ITPR3: variants seen among roughly 807,000 people sequenced by gnomAD.
ITPR3 encodes inositol 1,4,5-trisphosphate receptor type 3.
ITPR3 carries 173 observed loss-of-function variants against 293.2 expected under a neutral mutation model. The observed-to-expected ratio is 0.59, with a 90% CI of 0.52 to 0.67. The LOEUF (loss-of-function observed/expected upper bound fraction) is 0.67, where lower values mean the gene tolerates loss of function less well. Among genes scored for constraint, ITPR3 ranks in the 30% least tolerant of loss-of-function variants. The probability of loss-of-function intolerance (pLI) is 0.00; values close to 1 mark genes in which losing one functional copy is unlikely to be tolerated. For synonymous variants in ITPR3, 1,295 were observed against 1,444.4 expected (o/e 0.90, Z 2.35); for missense variants, 2,796 against 3,592.1 (o/e 0.78, Z 5.66).
rs145012253 is a variant in ITPR3, at chr6:33,679,752, G to C, written c.3973-130G>C. Reference sequence around the variant, plus strand: ...TGGGGAACCCCCAAATCCCAGCCAGGGGAGGGTTTTCCTGATTTCAGGTAA... The same window carrying C: ...TGGGGAACCCCCAAATCCCAGCCAGCGGAGGGTTTTCCTGATTTCAGGTAA... On this transcript the variant is annotated intron_variant, in intron 30 of 57. Transcript: ENST00000605930. This position sits in a 1 kb window ranked among gnomAD's most constrained non-coding sequence, Gnocchi z 4.2. 1 of 1,214,574 alleles carries C rather than the reference G, an allele frequency of 8.2e-7. No homozygotes were observed. The highest frequency in any genetic ancestry group is 1.5e-5 in the African/African-American group (1 of 66,134). 75.2% of individuals were successfully genotyped at this position (1,214,574 alleles called of 1,614,324 possible).
At position 33,684,468 on chromosome 6, in the gene ITPR3, G is replaced by A; in HGVS notation, c.5046+3G>A. On this transcript the variant is annotated splice_donor_region_variant and intron_variant, in intron 37 of 57. Coordinates refer to ENST00000605930, the MANE Select transcript of ITPR3 (RefSeq NM_002224.4). This position sits in a 1 kb window ranked among gnomAD's most constrained non-coding sequence, Gnocchi z 4.2. ...AGAAGACCAAGTACGGGGACCGGGTGAGTGCCCTGGTGGGGCAAGTGCTGG... is the reference window on the plus strand; with the variant it reads ...AGAAGACCAAGTACGGGGACCGGGTAAGTGCCCTGGTGGGGCAAGTGCTGG... The A allele has an allele frequency of 6.2e-7, 1 of 1,613,536 alleles. No individual in the cohort carries two copies. The highest frequency in any genetic ancestry group is 8.5e-7 in the Non-Finnish European group (1 of 1,179,488).
chr6:33,649,294 C>T (rs777715995), intron 2 of ITPR3, among the ~76,000 whole-genome samples: 70 of 152,174 alleles, frequency 4.6e-4, no homozygotes, highest in East Asian at 9.6e-4. Context: ...GGTGCGATCT[C>T]GGCTCACTGC....
chr6:33,636,772 T>C (rs1763833172), intron 1 of ITPR3, among the ~76,000 whole-genome samples: 1 of 151,824 alleles, frequency 6.6e-6, no homozygotes, highest in Non-Finnish European at 1.5e-5. Context: ...ATGTGGGAGT[T>C]CTCAGTGAAG....
intron 2 of ITPR3, among the ~76,000 whole-genome samples, chr6:33,652,940 C>G (rs1042570438): frequency 2.6e-5 from 4 of 152,074 alleles, no homozygotes; most frequent in Non-Finnish European, 4.4e-5. Flanking sequence ...CAGGGTCTTG[C>G]TCTGTCGCTC....
chr6:33,667,977 C>T lies in ITPR3; in HGVS notation c.1886+13C>T. 3 of 1,613,500 alleles carry T rather than the reference C, an allele frequency of 1.9e-6. No individual in the cohort carries two copies. The highest frequency in any genetic ancestry group is 2.5e-6 in the Non-Finnish European group (3 of 1,179,686). The stretch of plus-strand genomic sequence containing the variant: ...ACCGGGAGCCCAGGTGGGCCCGAAC[C>T]CCCTCCCCGGCCGGCGCCTGCTCCT... On this transcript the variant is annotated intron_variant, in intron 16 of 57. Transcript: ENST00000605930. This position sits in a 1 kb window ranked among gnomAD's most constrained non-coding sequence, Gnocchi z 4.4.
At chr6:33,668,739 C>A (rs540908596) in intron 17 of ITPR3, 105 bp downstream of exon 17, 1 of 1,531,776 alleles carries the variant, frequency 6.5e-7, no homozygotes, top group Non-Finnish European at 8.9e-7. Context: ...GGCACCCTTG[C>A]TCTCTGCAGC....
In ITPR3 at chr6:33,680,040, G is replaced by A. The variant is rs1238447181; in HGVS notation, c.4131G>A (p.Glu1377=). 19 of 1,613,866 alleles carry A rather than the reference G, an allele frequency of 1.2e-5. No homozygotes were observed. The highest frequency in any genetic ancestry group is 1.6e-5 in the Non-Finnish European group (19 of 1,180,038). Residue 1377 remains glutamate (E), a synonymous_variant, in exon 31 of 58, where the codon GAG becomes GAA. Transcript: ENST00000605930. The stretch of plus-strand genomic sequence containing the variant: ...TGGACCTGCTGGCCGCCTGTGCCGA[G>A]GGCAAAAACGTCTACACTGAGATCA... ...SLVDLLAACA[E]GKNVYTEIKC...
At chr6:33,637,936 A>T (rs1234408611) in intron 1 of ITPR3, among the ~76,000 whole-genome samples, 1 of 151,676 alleles carries the variant, frequency 6.6e-6, no homozygotes, top group East Asian at 1.9e-4. Context: ...GGCGTGAGCC[A>T]CTGGCGCCTG....
rs779093637 is a variant in ITPR3, at chr6:33,640,532, C to T, written c.138C>T (p.Asp46=). The change falls in exon 2 of 58, where the codon GAC becomes GAT. Residue 46 remains aspartate (D), a synonymous_variant. Coordinates refer to ENST00000605930, the MANE Select transcript of ITPR3 (RefSeq NM_002224.4). The part of the protein sequence containing the change: ...CVVEPAAGDL[D]NPPKKFRDCL... ...TGGAGCCCGCGGCCGGGGACCTGGA[C>T]AACCCCCCTAAGAAGTTCCGTGGTA... The T allele has an allele frequency of 1.2e-6, 2 of 1,613,568 alleles. No homozygotes were observed. The highest frequency in any genetic ancestry group is 2.7e-5 in the African/African-American group (2 of 74,984).
Position 33,667,180 on chromosome 6 carries a change from C to T in ITPR3, c.1603C>T (p.Leu535=), listed in dbSNP as rs1163308512. The part of the protein sequence containing the change: ...PFREKGGEGP[L]VRLEELSDQK... ...CCGTGAGAAGGGGGGTGAAGGTCCC[C>T]TGGTGCGGCTGGAGGAGCTGTCAGA... The change falls in exon 15 of 58, where the codon CTG becomes TTG. Residue 535 remains leucine (L), a synonymous_variant. Transcript: ENST00000605930. This position sits in a 1 kb window ranked among gnomAD's most constrained non-coding sequence, Gnocchi z 4.4. 1 of 1,614,180 alleles carries T rather than the reference C, an allele frequency of 6.2e-7. No homozygotes were observed. Among genetic ancestry groups the T allele is most frequent in the South Asian group, 1.1e-5 (1 of 91,086 alleles).
Position 33,691,660 on chromosome 6 carries a change from C to A in ITPR3, c.7271C>A (p.Thr2424Asn). The stretch of plus-strand genomic sequence containing the variant: ...CATGGAGCTGCTGCATTTGTGGACA[C>A]CTGCAGTGGGGACAAGATGGACTGT... Reference protein sequence around the residue: ...MPHGAAAFVDTCSGDKMDCVS... With the variant: ...MPHGAAAFVDNCSGDKMDCVS... The change falls in exon 53 of 58, where the codon ACC (threonine) becomes AAC (asparagine). Residue 2424 changes from threonine (T) to asparagine (N), a missense_variant. Transcript: ENST00000605930. The surrounding 1 kb of genome is among the most constrained non-coding windows in gnomAD (Gnocchi z 4.9). The A allele has an allele frequency of 6.2e-7, 1 of 1,613,992 alleles. No individual in the cohort carries two copies. Among genetic ancestry groups the A allele is most frequent in the South Asian group, 1.1e-5 (1 of 91,066 alleles).
At chr6:33,678,586 G>A in intron 29 of ITPR3, 43 bp downstream of exon 29, 3 of 1,561,160 alleles carry the variant, frequency 1.9e-6, no homozygotes, top group South Asian at 1.2e-5. Context: ...GGCGGGGGAT[G>A]GGGGGTGGGG....
In ITPR3 at chr6:33,673,492, G is replaced by T. The variant is rs187867178; in HGVS notation, c.2929-99G>T. 1.8e-3 allele frequency: 2,737 copies of T among 1,492,058 alleles called. 19 individuals are homozygous for T. Among genetic ancestry groups the T allele is most frequent in the Middle Eastern group, 0.014 (80 of 5,590 alleles). The allele number at this position is 1,492,058 out of a possible 1,614,324, so 92.4% of individuals were successfully genotyped here. On this transcript the variant is annotated intron_variant, in intron 22 of 57. Transcript: ENST00000605930. ...TGCCCCAAGTGCTAGAGCCTATTTG[G>T]GGGCTCCCTGCCCCCTGCCCCCCAT...
At chr6:33,673,528 G>A in intron 22 of ITPR3, 63 bp from the exon 23 acceptor site, 1 of 1,591,154 alleles carries the variant, frequency 6.3e-7, no homozygotes, top group Non-Finnish European at 8.6e-7. Flanking sequence ...AAAGTAGGAA[G>A]GGCCTTCTGA....
At chr6:33,625,072 C>G (rs992774052) in intron 1 of ITPR3, among the ~76,000 whole-genome samples, 2 of 152,318 alleles carry the variant, frequency 1.3e-5, no homozygotes, top group Middle Eastern at 3.4e-3. Context: ...TGCTTTATCC[C>G]TTACCCTAGG....
At chr6:33,695,436 C>T (rs1406500470) in intron 57 of ITPR3, 2 of 570,418 alleles carry the variant, frequency 3.5e-6, no homozygotes, top group East Asian at 2.9e-5. Flanking sequence ...TCCTCTTCTG[C>T]ATCTGGCAGT....
chr6:33,675,994 C>T lies in ITPR3; in HGVS notation c.3282+138C>T. The T allele has an allele frequency of 1.9e-6, 2 of 1,043,606 alleles. No homozygotes were observed. Among genetic ancestry groups the T allele is most frequent in the Non-Finnish European group, 2.7e-6 (2 of 745,832 alleles). The allele number at this position is 1,043,606 out of a possible 1,614,324, so 64.6% of individuals were successfully genotyped here. ...TTGGGGTTTTCAGCCTTGCTGAGTT[C>T]CTAGGTGAAGACTGAGTCTCCTGGC... On this transcript the variant is annotated intron_variant, in intron 25 of 57. Coordinates refer to ENST00000605930, the MANE Select transcript of ITPR3 (RefSeq NM_002224.4). The surrounding 1 kb of genome is among the most constrained non-coding windows in gnomAD (Gnocchi z 5.0).
chr6:33,626,995 A>C (rs1236512378), intron 1 of ITPR3, among the ~76,000 whole-genome samples: 1 of 152,074 alleles, frequency 6.6e-6, no homozygotes, highest in African/African-American at 2.4e-5. Context: ...TTTAGTAGAG[A>C]TGGGGTTTCT....
chr6:33,680,143 G>A lies in ITPR3; in HGVS notation c.4224+10G>A, dbSNP rs748891387. 1.9e-5 allele frequency: 30 copies of A among 1,609,532 alleles called. No individual in the cohort carries two copies. In the South Asian group the frequency reaches 2.0e-4, roughly 11 times the overall value. ...GGACTGCATCACTGAGGTGGGGATC[G>A]GGAGACTGGGCAAGACGGCTGGAGA... On this transcript the variant is annotated intron_variant, in intron 31 of 57. Transcript: ENST00000605930.
Sources: allele counts gnomAD v4.1 joint callset (sites outside exome capture counted in the v4.1 genomes callset), GRCh38; gene constraint gnomAD v4.1.1; non-coding constraint Gnocchi (gnomAD v3.1); transcripts MANE v1.5; gene names NCBI Gene and HGNC (gene_info 2026-07-23, HGNC 2026-07-21).